Variants in SLC38A12 observed in about 807,000 individuals in gnomAD.
SLC38A12 encodes the protein putative sodium-coupled neutral amino acid transporter 12.
the SLC38A12 span, chr17:74,836,773 A>G: frequency 3.3e-6 from 5 of 1,496,672 alleles, no homozygotes; most frequent in Non-Finnish European, 8.9e-7. This position sits in a 1 kb window ranked among gnomAD's most constrained non-coding sequence, Gnocchi z 4.2. Flanking sequence ...AGTTGCTCCC[A>G]GGTCTTCATG....
the SLC38A12 span, among the ~76,000 whole-genome samples, chr17:74,821,395 C>T: frequency 2.6e-5 from 4 of 152,218 alleles, no homozygotes; most frequent in African/African-American, 7.2e-5. Context: ...CAGTGAGTGC[C>T]GTTCCCAAAT....
the SLC38A12 span, among the ~76,000 whole-genome samples, chr17:74,833,880 T>C: frequency 6.6e-6 from 1 of 152,192 alleles, no homozygotes; most frequent in Non-Finnish European, 1.5e-5. Context: ...GCCCCACTTA[T>C]GGTGGCAGAA....
At chr17:74,790,259 C>T in the SLC38A12 span, 1 of 1,614,186 alleles carries the variant, frequency 6.2e-7, no homozygotes, top group East Asian at 2.2e-5. Context: ...TCCGGGACAA[C>T]TACGAGCGGG....
chr17:74,777,135 C>G, the SLC38A12 span: 1 of 656,792 alleles, frequency 1.5e-6, no homozygotes, highest in Non-Finnish European at 2.7e-6. Context: ...GGGGGTGAGT[C>G]TTGTGACAGA....
chr17:74,788,728 C>T, the SLC38A12 span: 4 of 1,486,402 alleles, frequency 2.7e-6, no homozygotes, highest in South Asian at 1.2e-5. Flanking sequence ...ATGGTGTTTT[C>T]CTTCTCTCTC....
chr17:74,783,536 G>C, the SLC38A12 span, among the ~76,000 whole-genome samples: 1 of 152,010 alleles, frequency 6.6e-6, no homozygotes, highest in African/African-American at 2.4e-5. Flanking sequence ...CCTGTGTCAG[G>C]TATTCAGGTA....
chr17:74,788,821 T>C, the SLC38A12 span: 1 of 1,613,626 alleles, frequency 6.2e-7, no homozygotes, highest in Non-Finnish European at 8.5e-7. Context: ...ATAGAGGCCA[T>C]GGCTGCAGCC....
At chr17:74,822,791 T>A in the SLC38A12 span, among the ~76,000 whole-genome samples, 5 of 152,088 alleles carry the variant, frequency 3.3e-5, no homozygotes, top group Admixed American at 2.6e-4. Flanking sequence ...ACCAGCGGGG[T>A]ATTTTTCTTC....
the SLC38A12 span, chr17:74,838,036 G>C: frequency 2.0e-6 from 2 of 985,868 alleles, no homozygotes; most frequent in Non-Finnish European, 2.4e-6. Context: ...CTGACAGAGC[G>C]ACGATGTAGG....
the SLC38A12 span, among the ~76,000 whole-genome samples, chr17:74,787,389 G>A: frequency 3.4e-5 from 5 of 147,640 alleles, no homozygotes; most frequent in Non-Finnish European, 3.0e-5. Flanking sequence ...TTGGGAGGCC[G>A]AGGCAGGTGG....
the SLC38A12 span, among the ~76,000 whole-genome samples, chr17:74,797,397 C>T: frequency 9.5e-4 from 145 of 152,272 alleles, 3 homozygotes; most frequent in Middle Eastern, 3.4e-3. Context: ...GCAAAAGCCA[C>T]GAAAACAGGA....
At chr17:74,830,729 G>A in the SLC38A12 span, among the ~76,000 whole-genome samples, 1 of 152,126 alleles carries the variant, frequency 6.6e-6, no homozygotes, top group African/African-American at 2.4e-5. Context: ...TCTCTGACTG[G>A]CCTCTGGCAG....
At chr17:74,789,115 T>C in the SLC38A12 span, among the ~76,000 whole-genome samples, 1 of 152,144 alleles carries the variant, frequency 6.6e-6, no homozygotes, top group Admixed American at 6.5e-5. Context: ...AGCTCAGCTG[T>C]TTGAAATCTT....
the SLC38A12 span, among the ~76,000 whole-genome samples, chr17:74,799,911 G>T: frequency 1.3e-5 from 2 of 152,238 alleles, no homozygotes; most frequent in Non-Finnish European, 2.9e-5. Context: ...AGTGCCATGC[G>T]TGCTGTGAGT....
chr17:74,815,407 G>C, the SLC38A12 span, among the ~76,000 whole-genome samples: 1 of 152,154 alleles, frequency 6.6e-6, no homozygotes, highest in Non-Finnish European at 1.5e-5. Context: ...GTGTTAAACA[G>C]GGTATTTAAT....
the SLC38A12 span, among the ~76,000 whole-genome samples, chr17:74,808,048 C>T: frequency 6.6e-6 from 1 of 152,240 alleles, no homozygotes; most frequent in African/African-American, 2.4e-5. Context: ...TCCCCCTAAA[C>T]CACAAGGGTT....
At chr17:74,824,646 C>T in the SLC38A12 span, among the ~76,000 whole-genome samples, 2 of 152,186 alleles carry the variant, frequency 1.3e-5, no homozygotes, top group Non-Finnish European at 2.9e-5. Context: ...CAGCCCTCCT[C>T]GGGCCTGGGC....
At chr17:74,783,292 A>C in the SLC38A12 span, among the ~76,000 whole-genome samples, 1 of 152,244 alleles carries the variant, frequency 6.6e-6, no homozygotes, top group Non-Finnish European at 1.5e-5. Context: ...AGTGAGACGC[A>C]GCCCACGGCC....
chr17:74,778,631 G>A, the SLC38A12 span, among the ~76,000 whole-genome samples: 3 of 147,940 alleles, frequency 2.0e-5, no homozygotes, highest in African/African-American at 5.0e-5. Flanking sequence ...TAATTTCTCA[G>A]GGGAAGTCTT....
Sources: allele counts gnomAD v4.1 joint callset (sites outside exome capture counted in the v4.1 genomes callset), GRCh38; gene constraint gnomAD v4.1.1; non-coding constraint Gnocchi (gnomAD v3.1); transcripts MANE v1.5; gene names NCBI Gene and HGNC (gene_info 2026-07-23, HGNC 2026-07-21).